PIK3C2G: variants seen among roughly 807,000 people sequenced by gnomAD.
PIK3C2G encodes the protein phosphatidylinositol 3-kinase C2 domain-containing subunit gamma.
In PIK3C2G, 168 loss-of-function variants were observed where a neutral mutation model predicts 181.1. The ratio of observed to expected loss-of-function variants is 0.93; its 90% CI spans 0.82 to 1.05. The LOEUF is 1.05. Ranked by LOEUF, PIK3C2G falls within the 50% of genes least tolerant of loss-of-function variation. The pLI is 0.00. For missense variants in PIK3C2G, 1,869 were observed against 1,732.8 expected (o/e 1.08, Z -1.40); for synonymous variants, 573 against 592.2 (o/e 0.97, Z 0.47).
At chr12:18,576,884 G>A (rs565247875) in intron 29 of PIK3C2G, among the ~76,000 whole-genome samples, 144 of 152,292 alleles carry the variant, frequency 9.5e-4, no homozygotes, top group African/African-American at 3.3e-3. Flanking sequence ...GGCAGTAGCT[G>A]TAAAGGAAAG....
At chr12:18,538,400 T>C (rs879732095) in intron 25 of PIK3C2G, 88 bp downstream of exon 25, 31 of 1,111,976 alleles carry the variant, frequency 2.8e-5, no homozygotes, top group Non-Finnish European at 3.9e-5. Context: ...GGCTTGGAGT[T>C]CCCCAAGGAG....
chr12:18,595,528 A>C (rs1428502234), intron 30 of PIK3C2G, among the ~76,000 whole-genome samples: 1 of 152,130 alleles, frequency 6.6e-6, no homozygotes, highest in Non-Finnish European at 1.5e-5. Flanking sequence ...GGAGATACTA[A>C]TACTCTTTGC....
the PIK3C2G span, among the ~76,000 whole-genome samples, chr12:18,654,096 A>C: frequency 3.3e-5 from 5 of 152,096 alleles, no homozygotes; most frequent in Non-Finnish European, 7.4e-5. Context: ...AATGAGAAAG[A>C]TACTGCCTTA....
chr12:18,395,648 G>T (rs1222349591), intron 15 of PIK3C2G, among the ~76,000 whole-genome samples: 1 of 149,888 alleles, frequency 6.7e-6, no homozygotes, highest in Non-Finnish European at 1.5e-5. Flanking sequence ...TATTTAAAAA[G>T]TGATTGAAGA....
intron 25 of PIK3C2G, among the ~76,000 whole-genome samples, chr12:18,545,485 T>C (rs12308594): frequency 0.02 from 3,039 of 151,840 alleles, 116 homozygotes; most frequent in African/African-American, 0.069. Context: ...ATCTTAGTCA[T>C]AGAAGTGCTG....
intron 18 of PIK3C2G, among the ~76,000 whole-genome samples, chr12:18,480,889 G>A: frequency 6.6e-6 from 1 of 152,076 alleles, no homozygotes; most frequent in African/African-American, 2.4e-5. Context: ...AATAAAAGTT[G>A]CTAACACCTC....
chr12:18,542,780 G>A (rs1944230341), intron 25 of PIK3C2G, among the ~76,000 whole-genome samples: 1 of 151,956 alleles, frequency 6.6e-6, no homozygotes, highest in Non-Finnish European at 1.5e-5. Context: ...TGGTGTATAT[G>A]TGCCACATTT....
the PIK3C2G span, among the ~76,000 whole-genome samples, chr12:18,669,458 G>A: frequency 1.3e-5 from 2 of 152,162 alleles, no homozygotes; most frequent in Admixed American, 1.3e-4. Flanking sequence ...AAAAGATACT[G>A]TCTTAATGTG....
At chr12:18,295,373 T>A (rs1030036841) in intron 5 of PIK3C2G, among the ~76,000 whole-genome samples, 2 of 152,030 alleles carry the variant, frequency 1.3e-5, no homozygotes, top group Non-Finnish European at 2.9e-5. Context: ...GTTTTCCAAA[T>A]GTACATCTAG....
rs961151656 is a variant in PIK3C2G, at chr12:18,425,549, G to A, written c.2504+1510G>A. On this transcript the variant is annotated intron_variant, in intron 18 of 32. Transcript: ENST00000538779. ...TGGGACTACAGGCACACACCACCAC[G>A]CCTGGCTAATTTTTGTATTTTTGGT... Among the ~76,000 whole-genome samples the A allele has an allele frequency of 9.2e-5, 14 of 151,830 alleles. No homozygotes were observed. The South Asian group carries it at 1.0e-3, about 11-fold the overall frequency.
chr12:18,476,780 G>C (rs1407186604), intron 18 of PIK3C2G, among the ~76,000 whole-genome samples: 2 of 151,726 alleles, frequency 1.3e-5, no homozygotes, highest in Non-Finnish European at 2.9e-5. Flanking sequence ...GTATTGGGGA[G>C]AATGATGATG....
At chr12:18,441,127 T>G (rs190636307) in intron 18 of PIK3C2G, among the ~76,000 whole-genome samples, 1 of 152,236 alleles carries the variant, frequency 6.6e-6, no homozygotes, top group Non-Finnish European at 1.5e-5. Context: ...TCTGTAACAC[T>G]ATATAAAGCA....
chr12:18,335,122 T>C (rs1199690351), intron 8 of PIK3C2G, among the ~76,000 whole-genome samples: 2 of 152,132 alleles, frequency 1.3e-5, no homozygotes, highest in African/African-American at 2.4e-5. Context: ...AAAGTGTTTC[T>C]GATCAGTAGG....
chr12:18,528,068 G>C (rs1406933182), intron 24 of PIK3C2G, among the ~76,000 whole-genome samples: 1 of 152,088 alleles, frequency 6.6e-6, no homozygotes, highest in Non-Finnish European at 1.5e-5. Flanking sequence ...TTCTATAATA[G>C]TACATGCACT....
intron 8 of PIK3C2G, among the ~76,000 whole-genome samples, chr12:18,330,423 T>C (rs750498896): frequency 1.1e-4 from 16 of 152,094 alleles, no homozygotes; most frequent in Non-Finnish European, 2.4e-4. Context: ...AATATAAGAG[T>C]TCTTGTGGTT....
At chr12:18,295,130 A>G (rs920025846) in intron 5 of PIK3C2G, among the ~76,000 whole-genome samples, 1 of 150,204 alleles carries the variant, frequency 6.7e-6, no homozygotes, top group Non-Finnish European at 1.5e-5. Context: ...ATAAATAATT[A>G]TACATAAACA....
In PIK3C2G at chr12:18,506,527, A is replaced by AATTG. The variant is rs1219780005; in HGVS notation, c.3323+1071_3323+1074dup. Among the ~76,000 whole-genome samples, 4 of 152,278 alleles carry AATTG rather than the reference A, an allele frequency of 2.6e-5. No individual in the cohort carries two copies. The East Asian group carries it at 7.7e-4, about 29-fold the overall frequency. On this transcript the variant is annotated intron_variant, in intron 24 of 32. Transcript: ENST00000538779. ...TGAAGACAGAGCCACAGGATCTGCT[A>AATTG]ATTGATTGGACGTTGGCTGTGATTA...
chr12:18,341,413 C>T (rs945499182), intron 9 of PIK3C2G, among the ~76,000 whole-genome samples: 1 of 151,928 alleles, frequency 6.6e-6, no homozygotes, highest in Non-Finnish European at 1.5e-5. Flanking sequence ...CTTTTAAACT[C>T]GTAATGTCTA....
At chr12:18,295,777 T>C (rs1451303920) in intron 5 of PIK3C2G, among the ~76,000 whole-genome samples, 1 of 151,080 alleles carries the variant, frequency 6.6e-6, no homozygotes, top group Non-Finnish European at 1.5e-5. Context: ...TTAAGAGTAA[T>C]AGCCTATTTG....
Sources: allele counts gnomAD v4.1 joint callset (sites outside exome capture counted in the v4.1 genomes callset), GRCh38; gene constraint gnomAD v4.1.1; transcripts MANE v1.5; gene names NCBI Gene and HGNC (gene_info 2026-07-23, HGNC 2026-07-21).